BRIP1: variants seen among roughly 807,000 people sequenced by gnomAD.
BRIP1 encodes Fanconi anemia group J protein.
BRIP1 carries 88 observed loss-of-function variants against 119.7 expected under a neutral mutation model. The observed-to-expected ratio is 0.74, with a 90% CI of 0.62 to 0.88. BRIP1 has a LOEUF of 0.88. Among genes scored for constraint, BRIP1 ranks in the 40% least tolerant of loss-of-function variants. The probability of loss-of-function intolerance (pLI) is 0.00; values close to 1 mark genes in which losing one functional copy is unlikely to be tolerated. For missense variants in BRIP1, 1,259 were observed against 1,455.4 expected, an observed-to-expected ratio of 0.87 and a Z score of 2.20; for synonymous variants, 443 against 496.5, an observed-to-expected ratio of 0.89 and a Z score of 1.43.
In BRIP1 at chr17:61,708,727, T is replaced by C. The variant is rs185153063; in HGVS notation, c.2492+7224A>G. 1.3e-5 allele frequency among the ~76,000 whole-genome samples: 2 copies of C among 152,286 alleles called. No individual in the cohort carries two copies. Among genetic ancestry groups the C allele is most frequent in the Admixed American group, 1.3e-4 (2 of 15,284 alleles). ...TAAGAGTAAGGCACTAAAACACTGA[T>C]TGGCAGCTCTGAATGTATGGGTAGA... On this transcript the variant is annotated intron_variant, in intron 17 of 19. Transcript: ENST00000259008. The surrounding 1 kb of genome is among the most constrained non-coding windows in gnomAD (Gnocchi z 4.4).
Position 61,753,844 on chromosome 17 carries a change from C to G in BRIP1, c.2098-9253G>C, listed in dbSNP as rs1256696876. On this transcript the variant is annotated intron_variant, in intron 14 of 19. Coordinates refer to ENST00000259008, the MANE Select transcript of BRIP1 (RefSeq NM_032043.3). This position sits in a 1 kb window ranked among gnomAD's most constrained non-coding sequence, Gnocchi z 4.6. ...TGTTGCCAAGGCTGGTCTCAAACTC[C>G]TGGACTCAAGCACTCCTCCACCTTG... 6.6e-6 allele frequency among the ~76,000 whole-genome samples: 1 copy of G among 152,146 alleles called. No homozygotes were observed. Among genetic ancestry groups the G allele is most frequent in the Non-Finnish European group, 1.5e-5 (1 of 68,020 alleles).
At position 61,735,755 on chromosome 17, in the gene BRIP1, C is replaced by T. The variant is rs907161963; in HGVS notation, c.2379+7258G>A. Among the ~76,000 whole-genome samples, 11 of 151,588 alleles carry T rather than the reference C, an allele frequency of 7.3e-5. No individual in the cohort carries two copies. Among genetic ancestry groups the T allele is most frequent in the African/African-American group, 1.5e-4 (6 of 41,224 alleles). On this transcript the variant is annotated intron_variant, in intron 16 of 19. Coordinates refer to ENST00000259008, the MANE Select transcript of BRIP1 (RefSeq NM_032043.3). The surrounding 1 kb of genome is among the most constrained non-coding windows in gnomAD (Gnocchi z 4.4). ...GGCCAAGGCTGCAGTGACCCATGAC[C>T]GCACCACTGCACTCTAGCCTGGGCA... is the stretch of plus-strand genomic sequence containing the variant.
intron 6 of BRIP1, among the ~76,000 whole-genome samples, chr17:61,837,661 T>A (rs1449956176): frequency 6.6e-6 from 1 of 152,086 alleles, no homozygotes; most frequent in Non-Finnish European, 1.5e-5. Context: ...TGATTATGAA[T>A]GATAGAACAA....
Position 61,693,544 on chromosome 17 carries a change from A to G in BRIP1, c.2493-32T>C, listed in dbSNP as rs1466242640. On this transcript the variant is annotated intron_variant, in intron 17 of 19. Coordinates refer to ENST00000259008, the MANE Select transcript of BRIP1 (RefSeq NM_032043.3). This position sits in a 1 kb window ranked among gnomAD's most constrained non-coding sequence, Gnocchi z 4.2. ...AAAATAGGGAAAAAGTCAAATAATT[A>G]TAACATCGGAAATAAATCCAGTTTT... is the stretch of plus-strand genomic sequence containing the variant. 6.5e-7 allele frequency: 1 copy of G among 1,546,268 alleles called. No individual in the cohort carries two copies. The highest frequency in any genetic ancestry group is 8.9e-7 in the Non-Finnish European group (1 of 1,118,708).
At position 61,740,553 on chromosome 17, in the gene BRIP1, T is replaced by C. The variant is rs1248493908; in HGVS notation, c.2379+2460A>G. 1.3e-5 allele frequency among the ~76,000 whole-genome samples: 2 copies of C among 152,154 alleles called. No individual in the cohort carries two copies. Among genetic ancestry groups the C allele is most frequent in the Non-Finnish European group, 2.9e-5 (2 of 68,022 alleles). On this transcript the variant is annotated intron_variant, in intron 16 of 19. Coordinates refer to ENST00000259008, the MANE Select transcript of BRIP1 (RefSeq NM_032043.3). This position sits in a 1 kb window ranked among gnomAD's most constrained non-coding sequence, Gnocchi z 5.4. ...CCAAAGATTTAAAAATGTCTAAGGA[T>C]ACAGGAAAACATATACAGGCATCCC...
chr17:61,851,658 A>T lies in BRIP1; in HGVS notation c.380-2402T>A, dbSNP rs1278662234. ...CCTCAGTCTGTCTTAATTACTCTAT[A>T]TTTACACACAATAAATCCGTATATT... On this transcript the variant is annotated intron_variant, in intron 4 of 19. Coordinates refer to ENST00000259008, the MANE Select transcript of BRIP1 (RefSeq NM_032043.3). This position sits in a 1 kb window ranked among gnomAD's most constrained non-coding sequence, Gnocchi z 4.6. Among the ~76,000 whole-genome samples, 1 of 152,150 alleles carries T rather than the reference A, an allele frequency of 6.6e-6. No individual in the cohort carries two copies. Among genetic ancestry groups the T allele is most frequent in the African/African-American group, 2.4e-5 (1 of 41,434 alleles).
chr17:61,817,529 A>G (rs2078254923), intron 6 of BRIP1, among the ~76,000 whole-genome samples: 1 of 152,242 alleles, frequency 6.6e-6, no homozygotes, highest in Non-Finnish European at 1.5e-5. Context: ...TAAAAATTAA[A>G]TGGTTATTAT....
Position 61,802,790 on chromosome 17 carries a change from T to C in BRIP1, c.919-1316A>G, listed in dbSNP as rs138764545. 1.5e-3 allele frequency among the ~76,000 whole-genome samples: 236 copies of C among 152,348 alleles called. 1 individual carries two copies. Among genetic ancestry groups the C allele is most frequent in the African/African-American group, 5.6e-3 (232 of 41,588 alleles). On this transcript the variant is annotated intron_variant, in intron 7 of 19. Transcript: ENST00000259008. This position sits in a 1 kb window ranked among gnomAD's most constrained non-coding sequence, Gnocchi z 6.0. ...TAAATATTTTCTTAGTCTATATTTTTAGAAATGGCATTATGGGATCAGACG... is the reference window on the plus strand; with the variant it reads ...TAAATATTTTCTTAGTCTATATTTTCAGAAATGGCATTATGGGATCAGACG...
chr17:61,819,500 T>C (rs764836482), intron 6 of BRIP1, among the ~76,000 whole-genome samples: 13 of 152,308 alleles, frequency 8.5e-5, no homozygotes, highest in South Asian at 2.1e-4. Flanking sequence ...AACAGATGAA[T>C]GAATGAAGAG....
In BRIP1 at chr17:61,717,350, G is replaced by C. The variant is rs761873468; in HGVS notation, c.2380-1287C>G. 2.3e-4 allele frequency among the ~76,000 whole-genome samples: 35 copies of C among 152,006 alleles called. No homozygotes were observed. Among genetic ancestry groups the C allele is most frequent in the Non-Finnish European group, 4.3e-4 (29 of 67,952 alleles). On this transcript the variant is annotated intron_variant, in intron 16 of 19. Coordinates refer to ENST00000259008, the MANE Select transcript of BRIP1 (RefSeq NM_032043.3). This position sits in a 1 kb window ranked among gnomAD's most constrained non-coding sequence, Gnocchi z 4.1. Reference sequence around the variant, plus strand: ...CTGGCACTCTTCATTTTCTCACGTAGATTTAAATTTCCATCTGGTATCATT... The same window carrying C: ...CTGGCACTCTTCATTTTCTCACGTACATTTAAATTTCCATCTGGTATCATT...
At chr17:61,839,396 G>A (rs964962729) in intron 6 of BRIP1, among the ~76,000 whole-genome samples, 1 of 151,540 alleles carries the variant, frequency 6.6e-6, no homozygotes, top group African/African-American at 2.4e-5. Context: ...ATGTATTTTT[G>A]GGTTTTTTTT....
At chr17:61,854,697 C>T (rs2078870162) in intron 4 of BRIP1, among the ~76,000 whole-genome samples, 1 of 125,646 alleles carries the variant, frequency 8.0e-6, no homozygotes, top group Non-Finnish European at 1.6e-5. Context: ...AGAGTGACTC[C>T]GTCTCAAAAA....
In BRIP1 at chr17:61,745,877, C is replaced by A. The variant is rs1159740670; in HGVS notation, c.2098-1286G>T. Among the ~76,000 whole-genome samples the A allele has an allele frequency of 6.6e-6, 1 of 151,742 alleles. No homozygotes were observed. Among genetic ancestry groups the A allele is most frequent in the Non-Finnish European group, 1.5e-5 (1 of 67,920 alleles). ...AGAATCAAGTATTCTTTCCAAGAAG[C>A]TAGAAAATGAAATATAGCAAATGCA... On this transcript the variant is annotated intron_variant, in intron 14 of 19. Coordinates refer to ENST00000259008, the MANE Select transcript of BRIP1 (RefSeq NM_032043.3). The surrounding 1 kb of genome is among the most constrained non-coding windows in gnomAD (Gnocchi z 4.4).
In BRIP1 at chr17:61,691,792, T is replaced by C. The variant is rs141469838; in HGVS notation, c.2575+1638A>G. On this transcript the variant is annotated intron_variant, in intron 18 of 19. Coordinates refer to ENST00000259008, the MANE Select transcript of BRIP1 (RefSeq NM_032043.3). The surrounding 1 kb of genome is among the most constrained non-coding windows in gnomAD (Gnocchi z 5.0). Reference sequence around the variant, plus strand: ...ATATGGAACCACAAAGGACCACAAATAGGCAAAAGAACCTTGAGAAAAATG... The same window carrying C: ...ATATGGAACCACAAAGGACCACAAACAGGCAAAAGAACCTTGAGAAAAATG... Among the ~76,000 whole-genome samples, 3 of 152,118 alleles carry C rather than the reference T, an allele frequency of 2.0e-5. No homozygotes were observed. Among genetic ancestry groups the C allele is most frequent in the East Asian group, 1.9e-4 (1 of 5,184 alleles).
rs2077130679 is a variant in BRIP1, at chr17:61,751,490, AT to A, written c.2098-6900del. Among the ~76,000 whole-genome samples, 1 of 152,198 alleles carries A rather than the reference AT, an allele frequency of 6.6e-6. No individual in the cohort carries two copies. Among genetic ancestry groups the A allele is most frequent in the African/African-American group, 2.4e-5 (1 of 41,456 alleles). ...ATGCTTAAAAGGTAAATTTTATGTC[AT>A]GTGTATTTTACCACAATTTTAAAAA... is the stretch of plus-strand genomic sequence containing the variant. On this transcript the variant is annotated intron_variant, in intron 14 of 19. Coordinates refer to ENST00000259008, the MANE Select transcript of BRIP1 (RefSeq NM_032043.3). This position sits in a 1 kb window ranked among gnomAD's most constrained non-coding sequence, Gnocchi z 6.7.
chr17:61,810,939 ATAATT>A lies in BRIP1; in HGVS notation c.628-2187_628-2183del, dbSNP rs2078151741. Reference sequence around the variant, plus strand: ...TTTAAAAGGGGTGAATTTGGCACAAATAATTTAATGTTCTACTTATCTTTAAATGT... The same window carrying A: ...TTTAAAAGGGGTGAATTTGGCACAAATAATGTTCTACTTATCTTTAAATGT... On this transcript the variant is annotated intron_variant, in intron 6 of 19. Coordinates refer to ENST00000259008, the MANE Select transcript of BRIP1 (RefSeq NM_032043.3). This position sits in a 1 kb window ranked among gnomAD's most constrained non-coding sequence, Gnocchi z 4.7. 6.6e-6 allele frequency among the ~76,000 whole-genome samples: 1 copy of A among 152,194 alleles called. No individual in the cohort carries two copies. Among genetic ancestry groups the A allele is most frequent in the Non-Finnish European group, 1.5e-5 (1 of 68,018 alleles).
At chr17:61,712,636 T>G (rs952472081) in intron 17 of BRIP1, among the ~76,000 whole-genome samples, 1 of 152,196 alleles carries the variant, frequency 6.6e-6, no homozygotes, top group African/African-American at 2.4e-5. Flanking sequence ...CCGAATGTGG[T>G]GGCTCACGCC....
Position 61,813,645 on chromosome 17 carries a change from T to C in BRIP1, c.628-4888A>G, listed in dbSNP as rs149136073. Among the ~76,000 whole-genome samples the C allele has an allele frequency of 2.2e-3, 329 of 152,236 alleles. 1 individual carries two copies. Among genetic ancestry groups the C allele is most frequent in the African/African-American group, 7.3e-3 (303 of 41,584 alleles). ...AAACCATCTTATGCTAGTATTTTAG[T>C]CGTGACAAACATATATCCCAATATT... On this transcript the variant is annotated intron_variant, in intron 6 of 19. Coordinates refer to ENST00000259008, the MANE Select transcript of BRIP1 (RefSeq NM_032043.3).
At chr17:61,772,840 A>C (rs1050484276) in intron 14 of BRIP1, among the ~76,000 whole-genome samples, 5 of 151,340 alleles carry the variant, frequency 3.3e-5, no homozygotes, top group Non-Finnish European at 2.9e-5. Flanking sequence ...AAAAAAAAAA[A>C]AAACCTAAAT....
Sources: gnomAD v4.1 joint callset for allele counts (sites outside exome capture counted in the v4.1 genomes callset) on GRCh38, gnomAD v4.1.1 for gene constraint, Gnocchi (gnomAD v3.1) non-coding constraint, MANE v1.5 for transcripts, NCBI Gene and HGNC (gene_info 2026-07-23, HGNC 2026-07-21) for gene names.